The following SLC16A10 variants were observed in gnomAD, a reference collection of about 807,000 sequenced individuals.
The protein encoded by SLC16A10 is monocarboxylate transporter 10.
A neutral mutation model predicts 40.0 loss-of-function variants in SLC16A10; 27 were observed. The ratio of observed to expected loss-of-function variants is 0.67; its 90% confidence interval spans 0.50 to 0.93. The LOEUF is 0.93. Ranked by LOEUF, SLC16A10 falls within the 40% of genes least tolerant of loss-of-function variation. SLC16A10 has a pLI of 0.00. For missense variants in SLC16A10, 529 were observed against 658.2 expected (o/e 0.80, Z 2.15); for synonymous variants, 213 against 249.8 (o/e 0.85, Z 1.39).
chr6:111,204,005 C>G (rs534181953), intron 3 of SLC16A10, among the ~76,000 whole-genome samples: 1 of 152,118 alleles, frequency 6.6e-6, no homozygotes, highest in African/African-American at 2.4e-5. Context: ...AAGAATGCCT[C>G]TTATTTTTGT....
intron 1 of SLC16A10, among the ~76,000 whole-genome samples, chr6:111,095,032 G>A (rs546729975): frequency 3.9e-4 from 60 of 152,260 alleles, no homozygotes; most frequent in African/African-American, 1.4e-3. Flanking sequence ...CTAAAAGATT[G>A]GACCATATGA....
chr6:111,172,848 T>C lies in SLC16A10; in HGVS notation c.488+9T>C. On this transcript the variant is annotated intron_variant, in intron 2 of 5. Transcript: ENST00000368851. ...TCCAGTTCTTTTGTAAGGTAAGGACTTGGTTTTTTCATGTTGCTTTTTAAA... is the reference window on the plus strand; with the variant it reads ...TCCAGTTCTTTTGTAAGGTAAGGACCTGGTTTTTTCATGTTGCTTTTTAAA... 6.2e-7 allele frequency: 1 copy of C among 1,610,628 alleles called. No homozygotes were observed. The highest frequency in any genetic ancestry group is 8.5e-7 in the Non-Finnish European group (1 of 1,178,390).
At chr6:111,219,146 T>C in intron 5 of SLC16A10, 104 bp downstream of exon 5, 1 of 1,038,694 alleles carries the variant, frequency 9.6e-7, no homozygotes, top group Non-Finnish European at 1.4e-6. Context: ...AGGTTATTGA[T>C]TACTGGTCTT....
intron 1 of SLC16A10, among the ~76,000 whole-genome samples, chr6:111,130,411 G>A (rs988453432): frequency 6.6e-6 from 1 of 152,150 alleles, no homozygotes; most frequent in South Asian, 2.1e-4. Context: ...GTTTCTTTAT[G>A]TTTACATGTA....
intron 1 of SLC16A10, among the ~76,000 whole-genome samples, chr6:111,111,793 G>A (rs1771391079): frequency 6.6e-6 from 1 of 151,990 alleles, no homozygotes; most frequent in South Asian, 2.1e-4. Context: ...TTTTACCATT[G>A]TCACCATTTA....
rs1271253991 is a variant in SLC16A10 at position 111,225,957 on chromosome 6, TCCTACTGATC to T, written c.*3726_*3735del. 6.6e-6 allele frequency: 1 copy of T among 152,224 alleles called. No homozygotes were observed. Among genetic ancestry groups the T allele is most frequent in the African/African-American group, 2.4e-5 (1 of 41,456 alleles). 9.4% of individuals were successfully genotyped at this position (152,224 alleles called of 1,614,324 possible). A position where few individuals can be genotyped will look rare whatever the true frequency, so the allele number is the denominator to read the frequency against. On this transcript the variant is annotated 3_prime_UTR_variant, in exon 6 of 6. Coordinates refer to ENST00000368851, the MANE Select transcript of SLC16A10 (RefSeq NM_018593.5). ...GTTCCACTGGTTGCATGGCTGTATT[TCCTACTGATC>T]CCTGTAGTTTCACTGAATGGATCCC...
At chr6:111,191,173 C>T (rs1036222525) in intron 3 of SLC16A10, among the ~76,000 whole-genome samples, 15 of 152,118 alleles carry the variant, frequency 9.9e-5, no homozygotes, top group African/African-American at 3.1e-4. Context: ...CCTGTAGCCC[C>T]CCACTCCCCT....
Position 111,218,929 on chromosome 6 carries a change from C to G in SLC16A10, c.1202C>G (p.Ser401Cys). 6.2e-7 allele frequency: 1 copy of G among 1,614,128 alleles called. No homozygotes were observed. The change falls in exon 5 of 6, where the codon TCC (serine) becomes TGC (cysteine). Residue 401 changes from serine (S) to cysteine (C), a missense_variant. Physicochemically the swap from Ser to Cys is moderately radical, Grantham distance 112 (BLOSUM62 -1). Transcript: ENST00000368851. ...IMGLFDGCFI[S>C]IMAPIAFELV... ...GGTCTCTTCGATGGATGCTTCATTT[C>G]CATTATGGCTCCCATAGCCTTTGAG...
chr6:111,161,222 CAAAAAAAAA>C (rs57463212), intron 1 of SLC16A10, among the ~76,000 whole-genome samples: 2 of 42,426 alleles, frequency 4.7e-5, no homozygotes, highest in South Asian at 2.8e-3. Context: ...GACAGTGTCT[CAAAAAAAAA>C]AAAAAAAAAA....
At chr6:111,206,849 A>T in intron 4 of SLC16A10, 114 bp downstream of exon 4, 1 of 1,349,404 alleles carries the variant, frequency 7.4e-7, no homozygotes, top group Non-Finnish European at 1.0e-6. Flanking sequence ...TCTTTTTGAG[A>T]TGGAGTTTCG....
At chr6:111,104,488 C>T (rs1199203665) in intron 1 of SLC16A10, among the ~76,000 whole-genome samples, 1 of 152,132 alleles carries the variant, frequency 6.6e-6, no homozygotes, top group African/African-American at 2.4e-5. Context: ...ATCAGGGAGA[C>T]CTACAATACA....
intron 1 of SLC16A10, among the ~76,000 whole-genome samples, chr6:111,110,802 T>C (rs1048336543): frequency 6.6e-6 from 1 of 152,232 alleles, no homozygotes. Flanking sequence ...GATGTAAGGC[T>C]GGCAGATAAT....
chr6:111,111,177 A>G (rs1459722690), intron 1 of SLC16A10, among the ~76,000 whole-genome samples: 2 of 152,330 alleles, frequency 1.3e-5, no homozygotes, highest in East Asian at 3.9e-4. Flanking sequence ...GGCAAATTTT[A>G]TGCTATAAAT....
intron 1 of SLC16A10, among the ~76,000 whole-genome samples, chr6:111,134,489 C>T (rs1172425458): frequency 6.6e-6 from 1 of 152,010 alleles, no homozygotes; most frequent in Non-Finnish European, 1.5e-5. Context: ...AGAAACCCTA[C>T]TGAACTTGGC....
Position 111,218,999 on chromosome 6 carries a change from C to A in SLC16A10, c.1272C>A (p.Leu424=). 6.2e-7 allele frequency: 1 copy of A among 1,614,118 alleles called. No individual in the cohort carries two copies. Among genetic ancestry groups the A allele is most frequent in the South Asian group, 1.1e-5 (1 of 91,078 alleles). The change falls in exon 5 of 6, where the codon CTC becomes CTA. Residue 424 remains leucine (L), a synonymous_variant. Coordinates refer to ENST00000368851, the MANE Select transcript of SLC16A10 (RefSeq NM_018593.5). The stretch of plus-strand genomic sequence containing the variant: ...TCTCCCAAGCAATTGGATTTCTGCT[C>A]GGATTCATGTCTATACCCATGACTG... ...QDVSQAIGFL[L]GFMSIPMTVG...
intron 1 of SLC16A10, among the ~76,000 whole-genome samples, chr6:111,154,408 A>G (rs1181188943): frequency 6.6e-6 from 1 of 152,220 alleles, no homozygotes; most frequent in Non-Finnish European, 1.5e-5. Flanking sequence ...GGGGAATGTA[A>G]ACACATCACC....
chr6:111,174,331 A>G (rs779019363), intron 2 of SLC16A10, among the ~76,000 whole-genome samples: 46 of 152,024 alleles, frequency 3.0e-4, no homozygotes, highest in Non-Finnish European at 5.3e-4. Context: ...TAAATATTTA[A>G]TCAACAGAAT....
intron 3 of SLC16A10, among the ~76,000 whole-genome samples, chr6:111,185,677 CAGA>C (rs1772882417): frequency 6.6e-6 from 1 of 152,106 alleles, no homozygotes; most frequent in African/African-American, 2.4e-5. Flanking sequence ...TTAAGCATAA[CAGA>C]AGAACAAAAA....
rs1047574465 is a variant in SLC16A10, at chr6:111,111,535, A to G, written c.343+23440A>G. Reference sequence around the variant, plus strand: ...TAGAAGTTCTAGACCAGTCTAGACAACATACTGATACCCCGTCTCTACAAA... The same window carrying G: ...TAGAAGTTCTAGACCAGTCTAGACAGCATACTGATACCCCGTCTCTACAAA... On this transcript the variant is annotated intron_variant, in intron 1 of 5. Transcript: ENST00000368851. Among the ~76,000 whole-genome samples, 65 of 152,216 alleles carry G rather than the reference A, an allele frequency of 4.3e-4. 1 individual carries two copies. Among genetic ancestry groups the G allele is most frequent in the Admixed American group, 6.5e-4 (10 of 15,282 alleles).
Sources: allele counts gnomAD v4.1 joint callset (sites outside exome capture counted in the v4.1 genomes callset), GRCh38; gene constraint gnomAD v4.1.1; transcripts MANE v1.5; gene names NCBI Gene and HGNC (gene_info 2026-07-23, HGNC 2026-07-21).